COX18: variants seen among roughly 807,000 people sequenced by gnomAD.
COX18 encodes cytochrome c oxidase assembly factor COX18.
COX18 carries 45 observed loss-of-function variants against 38.0 expected under a neutral mutation model. That is an observed-to-expected ratio of 1.18 (90% confidence interval 0.93 to 1.52). The LOEUF (loss-of-function observed/expected upper bound fraction) is 1.52. Among genes scored for constraint, COX18 ranks in the 40% most tolerant of loss-of-function variants. The pLI is 0.00. For missense variants in COX18, 462 were observed against 423.8 expected, an observed-to-expected ratio of 1.09 and a Z score of -0.79; for synonymous variants, 177 against 169.8, an observed-to-expected ratio of 1.04 and a Z score of -0.33.
At position 73,052,444 on chromosome 4, in the gene COX18, C is replaced by A. The variant is rs904550407; in HGVS notation, c.*5670G>T. On this transcript the variant is annotated 3_prime_UTR_variant, in exon 6 of 6. Coordinates refer to ENST00000507544, the MANE Select transcript of COX18 (RefSeq NM_001297732.2). ...ATACACAGTACAGAACCACAGCGTT[C>A]CAGAAACTTTTGGGTAAATAAAATT... The A allele has an allele frequency of 6.6e-6, 1 of 151,930 alleles. No individual in the cohort carries two copies. Among genetic ancestry groups the A allele is most frequent in the African/African-American group, 2.4e-5 (1 of 41,382 alleles). 9.4% of individuals were successfully genotyped at this position (151,930 alleles called of 1,614,324 possible). A position where few individuals can be genotyped will look rare whatever the true frequency, so the allele number is the denominator to read the frequency against.
At chr4:73,059,343 G>A (rs183278208) in intron 5 of COX18, among the ~76,000 whole-genome samples, 1 of 152,302 alleles carries the variant, frequency 6.6e-6, no homozygotes, top group African/African-American at 2.4e-5. Context: ...TTCTGTTCCA[G>A]TTTCCTCATC....
intron 2 of COX18, among the ~76,000 whole-genome samples, chr4:73,065,783 C>T (rs1229337307): frequency 6.6e-6 from 1 of 152,176 alleles, no homozygotes; most frequent in Non-Finnish European, 1.5e-5. Context: ...TCCACTCCCG[C>T]CAAACTTAAC....
At position 73,069,494 on chromosome 4, in the gene COX18, G is replaced by A; in HGVS notation, c.156C>T (p.Asn52=). The A allele has an allele frequency of 6.3e-7, 1 of 1,593,498 alleles. No homozygotes were observed. The highest frequency in any genetic ancestry group is 8.5e-7 in the Non-Finnish European group (1 of 1,170,842). ...AVAPVSAVHA[N]GWYEALAASS... ...ACGCGGCCAGGGCCTCGTACCAGCCGTTCGCATGTACTGCAGAGACTGGTG... is the reference window on the plus strand; with the variant it reads ...ACGCGGCCAGGGCCTCGTACCAGCCATTCGCATGTACTGCAGAGACTGGTG... The change falls in exon 1 of 6, where the codon AAC becomes AAT. Residue 52 remains asparagine (N), a synonymous_variant. Coordinates refer to ENST00000507544, the MANE Select transcript of COX18 (RefSeq NM_001297732.2).
chr4:73,065,281 C>T lies in COX18; in HGVS notation c.567G>A (p.Arg189=). Reference sequence around the variant, plus strand: ...AATGTGCTGCCCCCGTGCTTAAATTCCGGAGAGCAAAAGACATGAAGATCC... The same window carrying T: ...AATGTGCTGCCCCCGTGCTTAAATTTCGGAGAGCAAAAGACATGAAGATCC... ...PMWIFMSFAL[R]NLSTGAAHSE... Residue 189 remains arginine (R), a synonymous_variant, in exon 3 of 6, where the codon CGG becomes CGA. Transcript: ENST00000507544. The T allele has an allele frequency of 6.2e-7, 1 of 1,612,168 alleles. No homozygotes were observed. The highest frequency in any genetic ancestry group is 8.5e-7 in the Non-Finnish European group (1 of 1,179,610).
intron 1 of COX18, 97 bp downstream of exon 1, chr4:73,069,220 G>A (rs145832989): frequency 5.7e-4 from 502 of 880,204 alleles, no homozygotes; most frequent in Middle Eastern, 1.1e-3. Flanking sequence ...CACTGCAGAA[G>A]GCAACATCGT....
Position 73,069,358 on chromosome 4 carries a change from T to G in COX18, c.292A>C (p.Thr98Pro). The stretch of plus-strand genomic sequence containing the variant: ...TGCTGGTAGGCTGCCAAAGGCAGCG[T>G]GACAGCACCCCGTAAGGCCACGGTG... ...LSTVALRGAV[T>P]LPLAAYQHYI... Residue 98 changes from threonine to proline, a missense_variant, in exon 1 of 6, where the codon ACG (threonine) becomes CCG (proline). Transcript: ENST00000507544. 2 of 1,554,618 alleles carry G rather than the reference T, an allele frequency of 1.3e-6. No individual in the cohort carries two copies. Among genetic ancestry groups the G allele is most frequent in the Non-Finnish European group, 1.7e-6 (2 of 1,150,208 alleles).
chr4:73,059,352 T>C (rs1414946403), intron 5 of COX18, among the ~76,000 whole-genome samples: 2 of 152,212 alleles, frequency 1.3e-5, no homozygotes, highest in African/African-American at 2.4e-5. Context: ...AGTTTCCTCA[T>C]CTGTAAAGTG....
At chr4:73,067,864 A>AAAAAAAAATATATATATATAT in intron 2 of COX18, among the ~76,000 whole-genome samples, 165 bp downstream of exon 2, 4 of 20,020 alleles carry the variant, frequency 2.0e-4, no homozygotes, top group African/African-American at 1.8e-4. Context: ...AAAAAAAAAA[A>AAAAAAAAATATATATATATAT]ATATATATAT....
intron 4 of COX18, among the ~76,000 whole-genome samples, chr4:73,064,288 G>T (rs1296061532): frequency 6.6e-6 from 1 of 151,920 alleles, no homozygotes; most frequent in Non-Finnish European, 1.5e-5. Flanking sequence ...TGACTGAGAG[G>T]TCACATTTTC....
chr4:73,055,656 G>T lies in COX18; in HGVS notation c.*2458C>A, dbSNP rs140388911. 2.0e-5 allele frequency: 3 copies of T among 152,108 alleles called. No individual in the cohort carries two copies. Among genetic ancestry groups the T allele is most frequent in the Admixed American group, 2.0e-4 (3 of 15,270 alleles). 9.4% of individuals were successfully genotyped at this position (152,108 alleles called of 1,614,324 possible). A position where few individuals can be genotyped will look rare whatever the true frequency, so the allele number is the denominator to read the frequency against. ...AGACTCAAAAAGGATACATGTTTAC[G>T]GTATGAGAGCTGAAACTAGAAGGCA... is the stretch of plus-strand genomic sequence containing the variant. On this transcript the variant is annotated 3_prime_UTR_variant, in exon 6 of 6. Transcript: ENST00000507544.
At position 73,069,397 on chromosome 4, in the gene COX18, TG is replaced by T; in HGVS notation, c.252del (p.Ser85AlafsTer35). ...AAGGCCACGGTGGAGAGCAGAATGC[TG>T]CCCCACCAGGGCAGGCCCGTGGCGG... ...VHAATGLPWW[G>X]SILLSTVALR... On this transcript the variant is annotated frameshift_variant, in exon 1 of 6. Coordinates refer to ENST00000507544, the MANE Select transcript of COX18 (RefSeq NM_001297732.2). LOFTEE classifies it high-confidence loss of function. 1 of 1,566,090 alleles carries T rather than the reference TG, an allele frequency of 6.4e-7. No homozygotes were observed. Among genetic ancestry groups the T allele is most frequent in the Non-Finnish European group, 8.6e-7 (1 of 1,156,266 alleles).
chr4:73,066,107 T>C lies in COX18; in HGVS notation c.435-694A>G, dbSNP rs80181985. On this transcript the variant is annotated intron_variant, in intron 2 of 5. Coordinates refer to ENST00000507544, the MANE Select transcript of COX18 (RefSeq NM_001297732.2). ...TATTTTGTACAGAGGAGGCATTCAA[T>C]AGTTTTTCTGAATTTAGTCAAATTA... is the stretch of plus-strand genomic sequence containing the variant. 9.3e-4 allele frequency among the ~76,000 whole-genome samples: 142 copies of C among 152,340 alleles called. 1 individual carries two copies. Among genetic ancestry groups the C allele is most frequent in the East Asian group, 2.1e-3 (11 of 5,192 alleles).
chr4:73,058,961 C>A (rs1032478222), intron 5 of COX18, among the ~76,000 whole-genome samples: 2 of 152,080 alleles, frequency 1.3e-5, no homozygotes, highest in Non-Finnish European at 2.9e-5. Flanking sequence ...CACCCTAGAT[C>A]CCTCACCTGT....
At chr4:73,065,976 C>A (rs554242153) in intron 2 of COX18, among the ~76,000 whole-genome samples, 1 of 152,290 alleles carries the variant, frequency 6.6e-6, no homozygotes, top group South Asian at 2.1e-4. Flanking sequence ...AGAATACAGT[C>A]TTCCTTCAGG....
In COX18 at chr4:73,064,355, T is replaced by A. The variant is rs187051825; in HGVS notation, c.723+423A>T. Among the ~76,000 whole-genome samples, 584 of 152,288 alleles carry A rather than the reference T, an allele frequency of 3.8e-3. 4 individuals carry two copies. Among genetic ancestry groups the A allele is most frequent in the African/African-American group, 0.013 (540 of 41,558 alleles). ...AAGACATTCAATGACTTTTCTAAGG[T>A]CATAAAGCAAGAAAATAGCAGTCAG... On this transcript the variant is annotated intron_variant, in intron 4 of 5. Coordinates refer to ENST00000507544, the MANE Select transcript of COX18 (RefSeq NM_001297732.2).
At chr4:73,063,030 C>G (rs780523563) in intron 4 of COX18, among the ~76,000 whole-genome samples, 5 of 152,084 alleles carry the variant, frequency 3.3e-5, no homozygotes, top group African/African-American at 1.2e-4. Flanking sequence ...TATGGCCAGG[C>G]ACAGTGGCTC....
In COX18 at chr4:73,055,811, A is replaced by G. The variant is rs1719868468; in HGVS notation, c.*2303T>C. The G allele has an allele frequency of 1.3e-5, 2 of 152,238 alleles. No individual in the cohort carries two copies. The highest frequency in any genetic ancestry group is 2.9e-5 in the Non-Finnish European group (2 of 68,042). The allele number at this position is 152,238 out of a possible 1,614,324, so 9.4% of individuals were successfully genotyped here. ...TGAGCAAGGAGGCAAATTTACAAAT[A>G]TAAAATCCACAAATAATGAGGATAT... On this transcript the variant is annotated 3_prime_UTR_variant, in exon 6 of 6. Transcript: ENST00000507544.
Position 73,061,772 on chromosome 4 carries a change from G to GTAAA in COX18, c.831+40_831+41insTTTA, listed in dbSNP as rs749221673. On this transcript the variant is annotated intron_variant, in intron 5 of 5. Transcript: ENST00000507544. Reference sequence around the variant, plus strand: ...AGCCAGTCTAAGCTAAAGTCAGAGAGGATTTAGCACATGCTACACACAATA... The same window carrying GTAAA: ...AGCCAGTCTAAGCTAAAGTCAGAGAGTAAAGATTTAGCACATGCTACACACAATA... 32 of 1,147,732 alleles carry GTAAA rather than the reference G, an allele frequency of 2.8e-5. 2 individuals carry two copies. Among genetic ancestry groups the GTAAA allele is most frequent in the Middle Eastern group, 3.9e-4 (2 of 5,132 alleles). 71.1% of individuals were successfully genotyped at this position (1,147,732 alleles called of 1,614,324 possible).
chr4:73,058,381 C>T (rs539848618), intron 5 of COX18, 94 bp from the exon 6 acceptor site: 13 of 884,684 alleles, frequency 1.5e-5, no homozygotes, highest in Non-Finnish European at 2.0e-5. Flanking sequence ...TTTGTAAATA[C>T]AAGTATGCCA....
Sources: allele counts gnomAD v4.1 joint callset (sites outside exome capture counted in the v4.1 genomes callset), GRCh38; gene constraint gnomAD v4.1.1; transcripts MANE v1.5; gene names NCBI Gene and HGNC (gene_info 2026-07-23, HGNC 2026-07-21).